DMD: variants seen among roughly 807,000 people sequenced by gnomAD.
DMD encodes the protein mutant dystrophin.
Under a neutral mutation model 330.1 loss-of-function variants are expected in DMD, and 63 were observed. The observed-to-expected ratio is 0.19, with a 90% CI of 0.16 to 0.24. The LOEUF is 0.24. Ranked by LOEUF, DMD falls within the 10% of genes least tolerant of loss-of-function variation. The probability of loss-of-function intolerance (pLI) is 1.00; values close to 1 mark genes in which losing one functional copy is unlikely to be tolerated. For synonymous variants in DMD, 1,223 were observed against 959.8 expected (o/e 1.27, Z -5.07); for missense variants, 3,344 against 2,684.1 (o/e 1.25, Z -5.43).
chrX:31,343,454 C>T (rs886634960), intron 61 of DMD, among the ~76,000 whole-genome samples: 1 of 111,225 alleles, frequency 9.0e-6, no homozygotes, highest in Non-Finnish European at 1.9e-5. Context: ...GAAAAAATTT[C>T]TTTAACATGT....
chrX:32,486,392 C>T (rs2042469039), intron 20 of DMD, among the ~76,000 whole-genome samples: 1 of 111,708 alleles, frequency 9.0e-6, no homozygotes, highest in African/African-American at 3.3e-5. Flanking sequence ...TTTTTCCTTT[C>T]CTAATATAGT....
chrX:32,618,591 T>C (rs966984123), intron 11 of DMD, among the ~76,000 whole-genome samples: 1 of 111,005 alleles, frequency 9.0e-6, no homozygotes, highest in Non-Finnish European at 1.9e-5. Context: ...TGAAATAATC[T>C]GTACAATAAA....
chrX:31,225,487 G>A (rs2046493153), intron 63 of DMD, among the ~76,000 whole-genome samples: 2 of 112,267 alleles, frequency 1.8e-5, no homozygotes, highest in Admixed American at 9.4e-5. Context: ...GAATCCAGTA[G>A]GTTCTCCATC....
intron 1 of DMD, among the ~76,000 whole-genome samples, chrX:33,271,075 G>T (rs933320795): frequency 9.0e-6 from 1 of 111,402 alleles, no homozygotes; most frequent in African/African-American, 3.3e-5. Context: ...CTTAAAATTA[G>T]CAATTACTAT....
At chrX:32,776,904 G>A (rs2074208179) in intron 7 of DMD, among the ~76,000 whole-genome samples, 1 of 111,568 alleles carries the variant, frequency 9.0e-6, no homozygotes, top group African/African-American at 3.3e-5. Context: ...CATGAAAGCT[G>A]ATGTTTTATG....
At chrX:32,374,819 G>A (rs1438012697) in intron 34 of DMD, among the ~76,000 whole-genome samples, 1 of 111,753 alleles carries the variant, frequency 8.9e-6, no homozygotes, top group Non-Finnish European at 1.9e-5. Flanking sequence ...TTTTAGAATT[G>A]TTACACAATA....
chrX:32,441,135 A>C, intron 28 of DMD, 45 bp downstream of exon 28: 1 of 1,182,250 alleles, frequency 8.5e-7, no homozygotes, highest in Non-Finnish European at 1.1e-6. Context: ...ACCTCTTTTA[A>C]TACTGCATAT....
At chrX:33,326,791 T>C (rs895348890) in intron 1 of DMD, among the ~76,000 whole-genome samples, 1 of 111,396 alleles carries the variant, frequency 9.0e-6, no homozygotes, top group African/African-American at 3.3e-5. Context: ...AGAAGGAAGG[T>C]ACATTAGGAA....
chrX:32,848,178 C>A (rs1288819110), intron 3 of DMD, among the ~76,000 whole-genome samples: 1 of 111,623 alleles, frequency 9.0e-6, no homozygotes, highest in African/African-American at 3.3e-5. Context: ...AACAGAGGGC[C>A]AGGACAAGAT....
chrX:32,206,703 A>G, intron 44 of DMD: 1 of 487,651 alleles, frequency 2.1e-6, no homozygotes, highest in South Asian at 2.3e-5. Flanking sequence ...ACCAGAGGCT[A>G]TTCAAGATCT....
At position 33,084,504 on chromosome X, in the gene DMD, C is replaced by T. The variant is rs185795952; in HGVS notation, c.32-64304G>A. On this transcript the variant is annotated intron_variant, in intron 1 of 78. Transcript: ENST00000357033. ...GAAGCCAGTGAGCCAGGAGTGCTGA[C>T]TGGTCAGAGATGAAATCACAGGGAG... 4.1e-3 allele frequency among the ~76,000 whole-genome samples: 453 copies of T among 111,653 alleles called. 1 individual carries two copies. The highest frequency in any genetic ancestry group is 0.014 in the African/African-American group (433 of 30,735).
chrX:33,051,644 C>CTTTTTTTTTTTTTTTTT lies in DMD; in HGVS notation c.32-31445_32-31444insAAAAAAAAAAAAAAAAA, dbSNP rs1569551755. Among the ~76,000 whole-genome samples, 10 of 80,700 alleles carry CTTTTTTTTTTTTTTTTT rather than the reference C, an allele frequency of 1.2e-4. 1 individual carries two copies. Among genetic ancestry groups the CTTTTTTTTTTTTTTTTT allele is most frequent in the African/African-American group, 6.1e-4 (10 of 16,361 alleles). The allele number at this position is 80,700 out of a possible 115,157, so 70.1% of individuals were successfully genotyped here. A position where few individuals can be genotyped will look rare whatever the true frequency, so the allele number is the denominator to read the frequency against. ...AATAAGGAAAATATATAATTACGCTCTATTTTTTTTTTTTTTTTTTTGAGA... is the reference window on the plus strand; with the variant it reads ...AATAAGGAAAATATATAATTACGCTCTTTTTTTTTTTTTTTTTTATTTTTTTTTTTTTTTTTTTGAGA... On this transcript the variant is annotated intron_variant, in intron 1 of 78. Transcript: ENST00000357033.
chrX:31,783,133 C>T (rs758470282), intron 50 of DMD, among the ~76,000 whole-genome samples: 9 of 111,548 alleles, frequency 8.1e-5, no homozygotes, highest in Non-Finnish European at 1.7e-4. Context: ...GTATAACCAG[C>T]TAGAGAACAT....
intron 47 of DMD, among the ~76,000 whole-genome samples, chrX:31,885,089 A>G (rs1603533600): frequency 9.0e-6 from 1 of 111,380 alleles, no homozygotes; most frequent in African/African-American, 3.3e-5. Context: ...TTCATGATGG[A>G]TTTTACTTAT....
intron 2 of DMD, among the ~76,000 whole-genome samples, chrX:32,988,872 T>C (rs1359440729): frequency 9.0e-6 from 1 of 111,649 alleles, no homozygotes; most frequent in Non-Finnish European, 1.9e-5. Flanking sequence ...TTGTTTATAA[T>C]GACCATCTAA....
chrX:31,445,533 A>G (rs140573926), intron 59 of DMD, among the ~76,000 whole-genome samples: 5,111 of 112,193 alleles, frequency 0.046, 194 homozygotes, highest in East Asian at 0.13. Flanking sequence ...TATTTTTTAC[A>G]ATAGAAAGAT....
At chrX:32,753,653 C>A (rs1297570768) in intron 7 of DMD, among the ~76,000 whole-genome samples, 1 of 112,012 alleles carries the variant, frequency 8.9e-6, no homozygotes, top group African/African-American at 3.2e-5. Flanking sequence ...GATGCTTTGT[C>A]AGAGCAAAGG....
chrX:32,996,605 C>A (rs1266707883), intron 2 of DMD, among the ~76,000 whole-genome samples: 1 of 111,185 alleles, frequency 9.0e-6, no homozygotes, highest in Non-Finnish European at 1.9e-5. Flanking sequence ...GGCGGGTCAC[C>A]TGAGGTCAGG....
chrX:32,729,363 A>G (rs916182302), intron 7 of DMD, among the ~76,000 whole-genome samples: 1 of 112,065 alleles, frequency 8.9e-6, no homozygotes, highest in South Asian at 3.7e-4. Flanking sequence ...ACATTGCCCA[A>G]TATTTAGTCT....
Sources: gnomAD v4.1 joint callset for allele counts (sites outside exome capture counted in the v4.1 genomes callset) on GRCh38, gnomAD v4.1.1 for gene constraint, MANE v1.5 for transcripts, NCBI Gene and HGNC (gene_info 2026-07-23, HGNC 2026-07-21) for gene names.